Variants in BID observed in about 807,000 individuals in gnomAD.
BID encodes the protein BH3 interacting domain death agonist.
BID carries 19 observed loss-of-function variants against 17.4 expected under a neutral mutation model. The observed-to-expected ratio is 1.09, with a 90% CI of 0.76 to 1.60. BID has a LOEUF of 1.60. Ranked by LOEUF, BID falls within the 40% of genes most tolerant of loss-of-function variation. The pLI is 0.00. For synonymous variants in BID, 108 were observed against 102.8 expected (o/e 1.05, Z -0.31); for missense variants, 226 against 256.0 (o/e 0.88, Z 0.80).
chr22:17,757,402 C>CAAA (rs34545330), intron 1 of BID, among the ~76,000 whole-genome samples: 8,711 of 60,828 alleles, frequency 0.14, 704 homozygotes, highest in East Asian at 0.23. Context: ...GACCCTGTCC[C>CAAA]AAAAAAAAAA....
chr22:17,734,940 G>A lies in BID; in HGVS notation c.*640C>T, dbSNP rs1223270693. On this transcript the variant is annotated 3_prime_UTR_variant, in exon 6 of 6. Transcript: ENST00000622694. ...TCTTTTTGACTCCAACAAAGGAAAC[G>A]AAGTTGAAAAAGTCAAGCCCCTGTG... is the stretch of plus-strand genomic sequence containing the variant. 2.0e-5 allele frequency: 3 copies of A among 152,216 alleles called. No homozygotes were observed. The highest frequency in any genetic ancestry group is 1.9e-4 in the East Asian group (1 of 5,204). 9.4% of individuals were successfully genotyped at this position (152,216 alleles called of 1,614,324 possible). A position where few individuals can be genotyped will look rare whatever the true frequency, so the allele number is the denominator to read the frequency against.
intron 1 of BID, among the ~76,000 whole-genome samples, chr22:17,768,965 C>T (rs2061699200): frequency 6.6e-6 from 1 of 151,484 alleles, no homozygotes; most frequent in African/African-American, 2.4e-5. Context: ...TGGCGTGAAC[C>T]TGGGAGGCGG....
intron 2 of BID, among the ~76,000 whole-genome samples, chr22:17,747,652 GTTT>G: frequency 6.6e-6 from 1 of 152,144 alleles, no homozygotes; most frequent in Non-Finnish European, 1.5e-5. Context: ...AGAATTGATA[GTTT>G]TTTATCTTTT....
chr22:17,759,618 G>T (rs902701226), intron 1 of BID, among the ~76,000 whole-genome samples: 6 of 152,128 alleles, frequency 3.9e-5, no homozygotes, highest in African/African-American at 1.4e-4. Context: ...CTCCTCAGAA[G>T]GCTGCAGTGG....
At chr22:17,735,987 A>G (rs186301313) in intron 5 of BID, among the ~76,000 whole-genome samples, 5 of 152,256 alleles carry the variant, frequency 3.3e-5, no homozygotes, top group South Asian at 4.1e-4. Context: ...CCTTCCAACA[A>G]TTCAGCTGGG....
chr22:17,740,211 T>C, intron 3 of BID: 1 of 1,591,524 alleles, frequency 6.3e-7, no homozygotes, highest in South Asian at 1.1e-5. Context: ...GGCTGTGATT[T>C]TTTTAATCTG....
rs189658899 is a variant in BID at position 17,759,435 on chromosome 22, C to T, written c.-58-9261G>A. Among the ~76,000 whole-genome samples, 688 of 151,738 alleles carry T rather than the reference C, an allele frequency of 4.5e-3. 6 individuals carry two copies. Among genetic ancestry groups the T allele is most frequent in the African/African-American group, 0.016 (660 of 41,336 alleles). ...ATTAGCCGGGCGTGCACCTGTAATC[C>T]CAGCTACTCGGGAGGCTGAGGCAGG... is the stretch of plus-strand genomic sequence containing the variant. On this transcript the variant is annotated intron_variant, in intron 1 of 5. Transcript: ENST00000622694.
Position 17,773,492 on chromosome 22 carries a change from GCA to G in BID, c.-59+887_-59+888del. On this transcript the variant is annotated intron_variant, in intron 1 of 5. Transcript: ENST00000622694. The surrounding 1 kb of genome is among the most constrained non-coding windows in gnomAD (Gnocchi z 4.4). ...GTGGATAAGGCTCCAGGAAGGGGGTGCAAGCCTGAGAAGGTGGAAGAGCTCTG... is the reference window on the plus strand; with the variant it reads ...GTGGATAAGGCTCCAGGAAGGGGGTGAGCCTGAGAAGGTGGAAGAGCTCTG... 3 of 1,038,980 alleles carry G rather than the reference GCA, an allele frequency of 2.9e-6. No homozygotes were observed. Among genetic ancestry groups the G allele is most frequent in the Non-Finnish European group, 4.4e-6 (3 of 688,078 alleles). The allele number at this position is 1,038,980 out of a possible 1,614,324, so 64.4% of individuals were successfully genotyped here. A position where few individuals can be genotyped will look rare whatever the true frequency, so the allele number is the denominator to read the frequency against.
intron 5 of BID, among the ~76,000 whole-genome samples, chr22:17,737,729 T>G (rs2061429982): frequency 6.6e-6 from 1 of 152,214 alleles, no homozygotes; most frequent in African/African-American, 2.4e-5. Flanking sequence ...ACTCTGTACC[T>G]GCTTGTGCCT....
chr22:17,767,235 A>AAG (rs200505499), intron 1 of BID, among the ~76,000 whole-genome samples: 7 of 151,128 alleles, frequency 4.6e-5, no homozygotes, highest in Non-Finnish European at 8.9e-5. Flanking sequence ...AAAAAAAAAA[A>AAG]TTATAATAAA....
At position 17,738,143 on chromosome 22, in the gene BID, C is replaced by A; in HGVS notation, c.450G>T (p.Val150=). 6.2e-7 allele frequency: 1 copy of A among 1,613,982 alleles called. No homozygotes were observed. The highest frequency in any genetic ancestry group is 1.1e-5 in the South Asian group (1 of 91,072). ...CCTTCTTGGCCAGCAGCAGGGCCAGCACCAGCATGGTCTTCTCCTTCTCCA... is the reference window on the plus strand; with the variant it reads ...CCTTCTTGGCCAGCAGCAGGGCCAGAACCAGCATGGTCTTCTCCTTCTCCA... ...RDMEKEKTML[V]LALLLAKKVA... The change falls in exon 5 of 6, where the codon GTG becomes GTT. Residue 150 remains valine (V), a synonymous_variant. Transcript: ENST00000622694.
chr22:17,773,851 G>C lies in BID; in HGVS notation c.-59+530C>G, dbSNP rs529956504. ...CATCATTGCCAGTGCTCTAAGGAGC[G>C]GGCGAGCCCCAGTAAGCGGCCGCTC... is the stretch of plus-strand genomic sequence containing the variant. On this transcript the variant is annotated intron_variant, in intron 1 of 5. Coordinates refer to ENST00000622694, the MANE Select transcript of BID (RefSeq NM_001196.4). This position sits in a 1 kb window ranked among gnomAD's most constrained non-coding sequence, Gnocchi z 4.4. 1.4e-6 allele frequency: 1 copy of C among 732,718 alleles called. No homozygotes were observed. Among genetic ancestry groups the C allele is most frequent in the East Asian group, 2.7e-5 (1 of 36,790 alleles). The allele number at this position is 732,718 out of a possible 1,614,324, so 45.4% of individuals were successfully genotyped here. A position where few individuals can be genotyped will look rare whatever the true frequency, so the allele number is the denominator to read the frequency against.
Position 17,735,440 on chromosome 22 carries a change from A to AAAAT in BID, c.*136_*139dup, listed in dbSNP as rs2061412482. On this transcript the variant is annotated 3_prime_UTR_variant, in exon 6 of 6. Coordinates refer to ENST00000622694, the MANE Select transcript of BID (RefSeq NM_001196.4). ...GGGTTATAAGTTTAACATTGTCTTT[A>AAAAT]AAATAGAAGTCACAGCTATCTTCCA... 1.1e-6 allele frequency: 1 copy of AAAAT among 899,208 alleles called. No homozygotes were observed. Among genetic ancestry groups the AAAAT allele is most frequent in the East Asian group, 2.6e-5 (1 of 38,442 alleles). 55.7% of individuals were successfully genotyped at this position (899,208 alleles called of 1,614,324 possible).
intron 1 of BID, among the ~76,000 whole-genome samples, chr22:17,767,577 T>A (rs550621475): frequency 1.3e-5 from 2 of 152,156 alleles, no homozygotes; most frequent in South Asian, 4.2e-4. Flanking sequence ...GAGAACGAAG[T>A]CTGATCATCC....
At position 17,738,023 on chromosome 22, in the gene BID, G is replaced by T; in HGVS notation, c.570C>A (p.Ala190=). The part of the protein sequence containing the change: ...QNLRTYVRSL[A]RNGMD ...TGACCTCAAGGGTTCTTACATTTCT[G>T]GCTAAGCTCCTCACGTAGGTGCGTA... Residue 190 remains alanine (A), a synonymous_variant, in exon 5 of 6, where the codon GCC becomes GCA. Coordinates refer to ENST00000622694, the MANE Select transcript of BID (RefSeq NM_001196.4). 1 of 1,614,052 alleles carries T rather than the reference G, an allele frequency of 6.2e-7. No individual in the cohort carries two copies. Among genetic ancestry groups the T allele is most frequent in the South Asian group, 1.1e-5 (1 of 91,080 alleles).
At chr22:17,738,865 G>T (rs1454749823) in intron 4 of BID, among the ~76,000 whole-genome samples, 4 of 152,148 alleles carry the variant, frequency 2.6e-5, no homozygotes, top group Non-Finnish European at 5.9e-5. Flanking sequence ...CAGTTGGGAG[G>T]ATGTAGTTCT....
intron 5 of BID, among the ~76,000 whole-genome samples, chr22:17,735,815 G>A (rs560407958): frequency 2.0e-5 from 3 of 152,140 alleles, no homozygotes; most frequent in South Asian, 2.1e-4. Context: ...AGGCACTGAC[G>A]GTGTCAGGAG....
intron 3 of BID, 41 bp downstream of exon 3, chr22:17,743,762 G>A (rs2072393): frequency 0.028 from 43,883 of 1,567,096 alleles, 916 homozygotes; most frequent in East Asian, 0.096. Flanking sequence ...TGGCGACAGA[G>A]AAGCCCAGCT....
chr22:17,748,556 TATG>T (rs1569042910), intron 2 of BID, among the ~76,000 whole-genome samples: 1 of 151,912 alleles, frequency 6.6e-6, no homozygotes, highest in Non-Finnish European at 1.5e-5. Context: ...GAATTAAAGT[TATG>T]ATGGGAAAAA....
Sources: gnomAD v4.1 joint callset for allele counts (sites outside exome capture counted in the v4.1 genomes callset) on GRCh38, gnomAD v4.1.1 for gene constraint, Gnocchi (gnomAD v3.1) non-coding constraint, MANE v1.5 for transcripts, NCBI Gene and HGNC (gene_info 2026-07-23, HGNC 2026-07-21) for gene names.